The following TOX2 variants were observed in gnomAD, a reference collection of about 807,000 sequenced individuals.
TOX2 encodes the protein granulosa cell HMG box 1.
TOX2 carries 15 observed loss-of-function variants against 47.4 expected under a neutral mutation model. The observed-to-expected ratio is 0.32, with a 90% CI of 0.21 to 0.49. The LOEUF (loss-of-function observed/expected upper bound fraction) is 0.49, where lower values mean the gene tolerates loss of function less well. TOX2 is among the 20% of genes least tolerant of loss of function. TOX2 has a pLI of 0.99. For missense variants in TOX2, 622 were observed against 673.1 expected, an observed-to-expected ratio of 0.92 and a Z score of 0.84; for synonymous variants, 290 against 296.6, an observed-to-expected ratio of 0.98 and a Z score of 0.23.
intron 8 of TOX2, 23 bp downstream of exon 8, chr20:44,066,880 C>T: frequency 6.2e-7 from 1 of 1,600,680 alleles, no homozygotes; most frequent in Non-Finnish European, 8.5e-7. Context: ...CCGTCCCTGC[C>T]TTTGTCCTGC....
At chr20:43,941,173 G>A (rs1040792877) in intron 1 of TOX2, among the ~76,000 whole-genome samples, 2 of 152,122 alleles carry the variant, frequency 1.3e-5, no homozygotes, top group Admixed American at 1.3e-4. Context: ...AAGGGGGCGT[G>A]GAAGCTTGGG....
chr20:44,032,295 C>T (rs2071168203), intron 3 of TOX2, among the ~76,000 whole-genome samples: 1 of 152,182 alleles, frequency 6.6e-6, no homozygotes, highest in African/African-American at 2.4e-5. Context: ...CTGGATTGTT[C>T]TTCATTGCGG....
In TOX2 at chr20:44,064,845, C is replaced by G; in HGVS notation, c.948C>G (p.Ser316Arg). 6.2e-7 allele frequency: 1 copy of G among 1,614,112 alleles called. No individual in the cohort carries two copies. Reference protein sequence around the residue: ...YLKALAAYRASLVSKSSPDQG... With the variant: ...YLKALAAYRARLVSKSSPDQG... ...AGGCCCTGGCAGCCTACCGGGCTAGCCTCGTCTCCAAGGTAACACCCGGAA... is the reference window on the plus strand; with the variant it reads ...AGGCCCTGGCAGCCTACCGGGCTAGGCTCGTCTCCAAGGTAACACCCGGAA... Residue 316 changes from serine to arginine, a missense_variant, in exon 6 of 9, where the codon AGC becomes AGG. Ser to Arg is a moderately radical substitution (Grantham distance 110, BLOSUM62 -1). This residue lies in a region of TOX2 where 294 missense variants were observed against 300.0 expected (regional missense o/e 0.98). Coordinates refer to ENST00000341197, the MANE Select transcript of TOX2 (RefSeq NM_001098797.2).
chr20:43,967,938 C>T (rs1241027560), intron 1 of TOX2, among the ~76,000 whole-genome samples: 1 of 152,128 alleles, frequency 6.6e-6, no homozygotes, highest in East Asian at 1.9e-4. Context: ...ACTTTGCATG[C>T]CTGTGTTGGA....
chr20:44,036,216 G>A (rs190802853), intron 3 of TOX2, among the ~76,000 whole-genome samples: 45 of 152,342 alleles, frequency 3.0e-4, no homozygotes, highest in Non-Finnish European at 4.9e-4. Context: ...TTTAGAGAGA[G>A]GCTACAACGC....
intron 3 of TOX2, among the ~76,000 whole-genome samples, chr20:44,045,551 G>T (rs1250801576): frequency 6.6e-6 from 1 of 152,302 alleles, no homozygotes; most frequent in Middle Eastern, 3.4e-3. Flanking sequence ...AGAATTCTAG[G>T]TTATAGGATA....
intron 1 of TOX2, among the ~76,000 whole-genome samples, chr20:43,920,297 A>C (rs1237013959): frequency 6.6e-6 from 1 of 152,190 alleles, no homozygotes; most frequent in African/African-American, 2.4e-5. Flanking sequence ...TGGTTAATGA[A>C]TGATTGAGGA....
intron 1 of TOX2, among the ~76,000 whole-genome samples, chr20:43,944,339 C>T (rs2069438622): frequency 6.6e-6 from 1 of 152,154 alleles, no homozygotes; most frequent in Admixed American, 6.6e-5. Context: ...CAGGAGTGTG[C>T]TATGGACAAA....
At chr20:43,999,695 C>G (rs1439015858) in intron 2 of TOX2, among the ~76,000 whole-genome samples, 1 of 152,228 alleles carries the variant, frequency 6.6e-6, no homozygotes, top group East Asian at 1.9e-4. Context: ...CAAATTTCCA[C>G]TGGTCTTTTT....
intron 3 of TOX2, chr20:44,039,127 C>CAGTGCCGGCT: frequency 7.9e-7 from 1 of 1,260,592 alleles, no homozygotes; most frequent in Non-Finnish European, 1.0e-6. Flanking sequence ...GAGCAGATGC[C>CAGTGCCGGCT]GGGAGGCAAC....
Position 44,066,100 on chromosome 20 carries a change from G to A in TOX2, c.1349G>A (p.Gly450Glu). ...VQLAMSPSPP[G>E]PQDFPHISEF... Reference sequence around the variant, plus strand: ...CTGGCGATGAGCCCCTCACCTCCAGGGCCACAGGTAAGCAGGGAAGAGCAG... The same window carrying A: ...CTGGCGATGAGCCCCTCACCTCCAGAGCCACAGGTAAGCAGGGAAGAGCAG... The change falls in exon 7 of 9, where the codon GGG (glycine) becomes GAG (glutamate). Residue 450 changes from glycine to glutamate, a missense_variant. Coordinates refer to ENST00000341197, the MANE Select transcript of TOX2 (RefSeq NM_001098797.2). The A allele has an allele frequency of 6.5e-7, 1 of 1,549,150 alleles. No individual in the cohort carries two copies. Among genetic ancestry groups the A allele is most frequent in the South Asian group, 1.2e-5 (1 of 81,728 alleles).
At chr20:43,951,728 T>TTTTTTTTTTTTTTTTTTTTTTTTGA in intron 1 of TOX2, among the ~76,000 whole-genome samples, 1 of 144,040 alleles carries the variant, frequency 6.9e-6, no homozygotes, top group Admixed American at 7.0e-5. Flanking sequence ...TTTTTTTTTT[T>TTTTTTTTTTTTTTTTTTTTTTTTGA]AGAGAAAGGG....
At chr20:43,940,705 G>A (rs569177056) in intron 1 of TOX2, among the ~76,000 whole-genome samples, 34 of 152,174 alleles carry the variant, frequency 2.2e-4, no homozygotes, top group Non-Finnish European at 4.4e-4. Flanking sequence ...GCACCCTAGG[G>A]GTGTGGTGTG....
chr20:44,059,573 G>A (rs1332083490), intron 5 of TOX2, among the ~76,000 whole-genome samples: 2 of 151,738 alleles, frequency 1.3e-5, no homozygotes, highest in African/African-American at 4.8e-5. Context: ...ATTAACAGCA[G>A]ATTTCTTAGC....
intron 3 of TOX2, among the ~76,000 whole-genome samples, chr20:44,047,116 G>A (rs551739779): frequency 6.6e-6 from 1 of 152,318 alleles, no homozygotes; most frequent in Non-Finnish European, 1.5e-5. Context: ...CTTATATGAT[G>A]TAGCTAAAAT....
At chr20:44,042,180 C>T (rs1164773037) in intron 3 of TOX2, among the ~76,000 whole-genome samples, 1 of 152,190 alleles carries the variant, frequency 6.6e-6, no homozygotes, top group African/African-American at 2.4e-5. Context: ...GACAAGAGGG[C>T]TTGTGCAGGG....
intron 1 of TOX2, among the ~76,000 whole-genome samples, chr20:43,938,134 GA>G (rs1420778158): frequency 6.6e-6 from 1 of 152,188 alleles, no homozygotes; most frequent in Non-Finnish European, 1.5e-5. Context: ...ACGGTGGAGT[GA>G]AGCAAACTCT....
At position 43,952,372 on chromosome 20, in the gene TOX2, G is replaced by A. The variant is rs148009856; in HGVS notation, c.100-20995G>A. Among the ~76,000 whole-genome samples the A allele has an allele frequency of 1.1e-4, 16 of 152,206 alleles. No individual in the cohort carries two copies. In the East Asian group the frequency reaches 1.5e-3, roughly 15 times the overall value. On this transcript the variant is annotated intron_variant, in intron 1 of 8. Transcript: ENST00000341197. The stretch of plus-strand genomic sequence containing the variant: ...CTGAGCATGTTAGGGTTATGCTGCC[G>A]TAACAACCCCCTGAATCTCAGTTGC...
At chr20:44,053,771 CCTTTG>C (rs934456576) in intron 4 of TOX2, among the ~76,000 whole-genome samples, 6 of 151,866 alleles carry the variant, frequency 4.0e-5, no homozygotes, top group African/African-American at 1.2e-4. Flanking sequence ...GGAAACTGGA[CCTTTG>C]CTTTGATTCA....
Sources: allele counts gnomAD v4.1 joint callset (sites outside exome capture counted in the v4.1 genomes callset), GRCh38; gene constraint gnomAD v4.1.1; regional missense constraint gnomAD v4.1.1; transcripts MANE v1.5; gene names NCBI Gene and HGNC (gene_info 2026-07-23, HGNC 2026-07-21).